The following F10 variants were observed in gnomAD, a reference collection of about 807,000 sequenced individuals.
The protein encoded by F10 is coagulation factor X, also known as Stuart-Prower factor.
In F10, 29 loss-of-function variants were observed where a neutral mutation model predicts 37.1. The observed-to-expected ratio is 0.78, with a 90% CI of 0.58 to 1.07. F10 has a LOEUF of 1.07. Ranked by LOEUF, F10 falls within the 50% of genes least tolerant of loss-of-function variation. F10 has a pLI of 0.00. For missense variants in F10, 539 were observed against 667.9 expected (o/e 0.81, Z 2.13); for synonymous variants, 262 against 268.6 (o/e 0.98, Z 0.24).
rs2036614283 is a variant in F10, at chr13:113,149,115, G to A, written c.1065G>A (p.Thr355=). Residue 355 remains threonine, a synonymous_variant, in exon 8 of 8, where the codon ACG becomes ACA. Coordinates refer to ENST00000375559, the MANE Select transcript of F10 (RefSeq NM_000504.4). The surrounding 1 kb of genome is among the most constrained non-coding windows in gnomAD (Gnocchi z 7.5). ...ACTGGGCCGAGTCCACGCTGATGACGCAGAAGACGGGGATTGTGAGCGGCT... is the reference window on the plus strand; with the variant it reads ...ACTGGGCCGAGTCCACGCTGATGACACAGAAGACGGGGATTGTGAGCGGCT... The part of the protein sequence containing the change: ...ERDWAESTLM[T]QKTGIVSGFG... The A allele has an allele frequency of 4.3e-6, 7 of 1,613,066 alleles. No homozygotes were observed. The highest frequency in any genetic ancestry group is 2.2e-5 in the East Asian group (1 of 44,884).
At chr13:113,145,122 T>C (rs903618979) in intron 6 of F10, among the ~76,000 whole-genome samples, 9 of 152,200 alleles carry the variant, frequency 5.9e-5, no homozygotes, top group South Asian at 2.1e-4. Flanking sequence ...CCTGGTGATC[T>C]GCCCACCTCA....
In F10 at chr13:113,143,164, CCTCCT is replaced by C. The variant is rs879299134; in HGVS notation, c.503-676_503-672del. Among the ~76,000 whole-genome samples, 7 of 150,586 alleles carry C rather than the reference CCTCCT, an allele frequency of 4.6e-5. No individual in the cohort carries two copies. Among genetic ancestry groups the C allele is most frequent in the Non-Finnish European group, 8.9e-5 (6 of 67,626 alleles). ...AGAAGCCCCTTGCCATCCATTCCCCCCTCCTCTCCTCTCCTGCTCCCCCACACCCC... is the reference window on the plus strand; with the variant it reads ...AGAAGCCCCTTGCCATCCATTCCCCCCTCCTCTCCTGCTCCCCCACACCCC... On this transcript the variant is annotated intron_variant, in intron 5 of 7. Coordinates refer to ENST00000375559, the MANE Select transcript of F10 (RefSeq NM_000504.4). This position sits in a 1 kb window ranked among gnomAD's most constrained non-coding sequence, Gnocchi z 6.8.
At chr13:113,145,744 A>G (rs1195264605) in intron 6 of F10, among the ~76,000 whole-genome samples, 1 of 152,190 alleles carries the variant, frequency 6.6e-6, no homozygotes, top group Non-Finnish European at 1.5e-5. Context: ...ATGAGAGAAC[A>G]AGCAAAAGGG....
At chr13:113,148,363 T>TATACGTATATATATATATAC (rs56165023) in intron 7 of F10, among the ~76,000 whole-genome samples, 5 of 110,358 alleles carry the variant, frequency 4.5e-5, no homozygotes, top group Non-Finnish European at 8.7e-5. Context: ...TATATATATA[T>TATACGTATATATATATATAC]GTATATATAT....
At chr13:113,145,070 CG>C (rs1300557856) in intron 6 of F10, among the ~76,000 whole-genome samples, 1 of 152,092 alleles carries the variant, frequency 6.6e-6, no homozygotes, top group Admixed American at 6.5e-5. Context: ...TTAGTAGAGA[CG>C]GGGTTTCACC....
intron 7 of F10, among the ~76,000 whole-genome samples, chr13:113,148,256 G>A (rs563804680): frequency 1.5e-4 from 23 of 150,860 alleles, no homozygotes; most frequent in African/African-American, 5.3e-4. Context: ...ACTTGAACCC[G>A]GGAGGTGGAG....
rs1168079006 is a variant in F10 at position 113,139,368 on chromosome 13, T to G, written c.268T>G (p.Cys90Gly). Reference sequence around the variant, plus strand: ...TCCTCTCTTTGCAGATGGCGACCAGTGTGAGACCAGTCCTTGCCAGAACCA... The same window carrying G: ...TCCTCTCTTTGCAGATGGCGACCAGGGTGAGACCAGTCCTTGCCAGAACCA... ...FWNKYKDGDQ[C>G]ETSPCQNQGK... The change falls in exon 4 of 8, where the codon TGT becomes GGT. Residue 90 changes from cysteine to glycine, a missense_variant. Coordinates refer to ENST00000375559, the MANE Select transcript of F10 (RefSeq NM_000504.4). This position sits in a 1 kb window ranked among gnomAD's most constrained non-coding sequence, Gnocchi z 5.2. The G allele has an allele frequency of 1.2e-6, 2 of 1,613,608 alleles. No individual in the cohort carries two copies. Among genetic ancestry groups the G allele is most frequent in the African/African-American group, 2.7e-5 (2 of 74,856 alleles).
intron 7 of F10, 84 bp downstream of exon 7, chr13:113,147,580 T>C: frequency 1.1e-6 from 1 of 871,258 alleles, no homozygotes; most frequent in South Asian, 1.3e-5. Flanking sequence ...TGATGGAATT[T>C]GTTGGGAACA....
At chr13:113,137,517 A>C (rs1208866038) in intron 2 of F10, among the ~76,000 whole-genome samples, 1 of 152,176 alleles carries the variant, frequency 6.6e-6, no homozygotes, top group Non-Finnish European at 1.5e-5. Context: ...AAAAGTAAGA[A>C]GATAGTGTAT....
At chr13:113,123,088 T>A (rs529431812) in intron 1 of F10, among the ~76,000 whole-genome samples, 163 bp downstream of exon 1, 1 of 152,218 alleles carries the variant, frequency 6.6e-6, no homozygotes, top group Admixed American at 6.5e-5. Flanking sequence ...GCCAACGGCA[T>A]CCTCAAGGCC....
chr13:113,131,120 G>C (rs2036430149), intron 2 of F10: 2 of 152,212 alleles, frequency 1.3e-5, no homozygotes, highest in African/African-American at 4.8e-5. Flanking sequence ...GAGATTTCTA[G>C]ACATTGAAAC....
At chr13:113,138,764 C>T (rs1057379466) in intron 3 of F10, among the ~76,000 whole-genome samples, 5 of 152,076 alleles carry the variant, frequency 3.3e-5, no homozygotes, top group Admixed American at 1.3e-4. Context: ...AAAGTGTATT[C>T]GGTAAAAGCA....
intron 1 of F10, among the ~76,000 whole-genome samples, chr13:113,124,018 C>T (rs1364968527): frequency 6.6e-6 from 1 of 152,216 alleles, no homozygotes; most frequent in Non-Finnish European, 1.5e-5. Context: ...GAACAAGGCC[C>T]TGGAAGGACC....
rs2036563157 is a variant in F10, at chr13:113,144,573, G to A, written c.747+478G>A. ...CTCCATCTGCTCTTCTGTTTGACGG[G>A]AGGCAGAAAGAGTTGGTGTCCTCGC... On this transcript the variant is annotated intron_variant, in intron 6 of 7. Coordinates refer to ENST00000375559, the MANE Select transcript of F10 (RefSeq NM_000504.4). The surrounding 1 kb of genome is among the most constrained non-coding windows in gnomAD (Gnocchi z 6.4). Among the ~76,000 whole-genome samples the A allele has an allele frequency of 6.6e-6, 1 of 152,272 alleles. No individual in the cohort carries two copies. The highest frequency in any genetic ancestry group is 2.4e-5 in the African/African-American group (1 of 41,476).
intron 2 of F10, 119 bp downstream of exon 2, chr13:113,129,731 G>T: frequency 7.5e-7 from 1 of 1,338,302 alleles, no homozygotes; most frequent in South Asian, 1.2e-5. Flanking sequence ...GTGCGCGAAG[G>T]CTTTCAGGGG....
rs9549676 is a variant in F10, at chr13:113,148,363, T to C, written c.866-553T>C. The stretch of plus-strand genomic sequence containing the variant: ...AAAAAAAAATATATATATATATATA[T>C]GTATATATATATGTGTATATATATA... On this transcript the variant is annotated intron_variant, in intron 7 of 7. Transcript: ENST00000375559. 1.6e-3 allele frequency among the ~76,000 whole-genome samples: 182 copies of C among 110,332 alleles called. 1 individual carries two copies. The highest frequency in any genetic ancestry group is 3.5e-3 in the African/African-American group (103 of 29,764). The allele number at this position is 110,332 out of a possible 152,430, so 72.4% of individuals were successfully genotyped here.
At chr13:113,123,476 G>A (rs996295572) in intron 1 of F10, among the ~76,000 whole-genome samples, 24 of 152,168 alleles carry the variant, frequency 1.6e-4, no homozygotes, top group African/African-American at 4.1e-4. Flanking sequence ...CAGGACCCCC[G>A]GGTCTGTCCA....
chr13:113,144,881 ATT>A lies in F10; in HGVS notation c.747+800_747+801del, dbSNP rs61190666. On this transcript the variant is annotated intron_variant, in intron 6 of 7. Coordinates refer to ENST00000375559, the MANE Select transcript of F10 (RefSeq NM_000504.4). This position sits in a 1 kb window ranked among gnomAD's most constrained non-coding sequence, Gnocchi z 6.4. ...GGCGCCCGCTACTTACGCCTGGCTAATTTTTTTTTTTTTTTGAGACGGAGTCT... is the reference window on the plus strand; with the variant it reads ...GGCGCCCGCTACTTACGCCTGGCTAATTTTTTTTTTTTTGAGACGGAGTCT... Among the ~76,000 whole-genome samples the A allele has an allele frequency of 4.0e-5, 5 of 125,800 alleles. No homozygotes were observed. Among genetic ancestry groups the A allele is most frequent in the Admixed American group, 1.6e-4 (2 of 12,146 alleles). The allele number at this position is 125,800 out of a possible 152,430, so 82.5% of individuals were successfully genotyped here.
intron 7 of F10, among the ~76,000 whole-genome samples, chr13:113,147,824 C>T (rs1017731506): frequency 1.3e-5 from 2 of 152,052 alleles, no homozygotes. Flanking sequence ...TTATTGGGAG[C>T]CTTCCAGACC....
Sources: gnomAD v4.1 joint callset for allele counts (sites outside exome capture counted in the v4.1 genomes callset) on GRCh38, gnomAD v4.1.1 for gene constraint, Gnocchi (gnomAD v3.1) non-coding constraint, MANE v1.5 for transcripts, NCBI Gene and HGNC (gene_info 2026-07-23, HGNC 2026-07-21) for gene names.